The following LAMA3 variants were observed in gnomAD, a reference collection of about 807,000 sequenced individuals.
The protein encoded by LAMA3 is laminin subunit alpha 3.
LAMA3 carries 281 observed loss-of-function variants against 402.0 expected under a neutral mutation model. The ratio of observed to expected loss-of-function variants is 0.70; its 90% CI spans 0.63 to 0.77. LAMA3 has a LOEUF of 0.77. Ranked by LOEUF, LAMA3 falls within the 30% of genes least tolerant of loss-of-function variation. The pLI is 0.00. For missense variants in LAMA3, 3,840 were observed against 4,215.5 expected (o/e 0.91, Z 2.47); for synonymous variants, 1,431 against 1,558.4 (o/e 0.92, Z 1.93).
intron 55 of LAMA3, among the ~76,000 whole-genome samples, chr18:23,910,864 C>T (rs907629821): frequency 6.6e-6 from 1 of 152,030 alleles, no homozygotes; most frequent in Non-Finnish European, 1.5e-5. Flanking sequence ...ATATTTAAAA[C>T]ATGAAAAATA....
At chr18:23,904,156 A>AGCG in intron 50 of LAMA3, 69 bp downstream of exon 50, 4 of 1,575,526 alleles carry the variant, frequency 2.5e-6, no homozygotes, top group Non-Finnish European at 3.5e-6. Context: ...TGAGACAAGC[A>AGCG]AGGCCCTCCC....
intron 72 of LAMA3, among the ~76,000 whole-genome samples, chr18:23,951,458 C>T (rs2082905149): frequency 6.6e-6 from 1 of 152,190 alleles, no homozygotes; most frequent in Non-Finnish European, 1.5e-5. Flanking sequence ...GCAACGACTT[C>T]AGGCCAGGGT....
chr18:23,732,265 G>A (rs1360503611), intron 2 of LAMA3, among the ~76,000 whole-genome samples: 1 of 152,190 alleles, frequency 6.6e-6, no homozygotes. Flanking sequence ...CTGAGGCAAA[G>A]GCTGGGGCTA....
At chr18:23,896,751 A>G (rs1312592482) in intron 44 of LAMA3, among the ~76,000 whole-genome samples, 4 of 152,196 alleles carry the variant, frequency 2.6e-5, no homozygotes, top group Non-Finnish European at 5.9e-5. Context: ...ACCTGGATCT[A>G]TGCTGGAATG....
chr18:23,820,318 C>T (rs566813274), intron 19 of LAMA3, among the ~76,000 whole-genome samples: 3 of 152,250 alleles, frequency 2.0e-5, no homozygotes, highest in African/African-American at 4.8e-5. Context: ...TCCTAAATGA[C>T]GTTAGGCTGT....
chr18:23,767,666 C>T (rs774119088), intron 8 of LAMA3, among the ~76,000 whole-genome samples: 6 of 151,172 alleles, frequency 4.0e-5, no homozygotes, highest in East Asian at 3.9e-4. Context: ...CACTGCCTCC[C>T]GGGTTCCAGT....
At chr18:23,869,428 A>G (rs12104019) in intron 37 of LAMA3, among the ~76,000 whole-genome samples, 1 of 152,204 alleles carries the variant, frequency 6.6e-6, no homozygotes, top group Non-Finnish European at 1.5e-5. Context: ...AAATTGACAC[A>G]AGGGTTCTTC....
chr18:23,893,437 G>C (rs1256023015), intron 42 of LAMA3, among the ~76,000 whole-genome samples: 1 of 152,016 alleles, frequency 6.6e-6, no homozygotes, highest in Non-Finnish European at 1.5e-5. Flanking sequence ...ACAAAAATTA[G>C]CCAGGCATGG....
At chr18:23,769,471 C>T (rs2062148135) in intron 8 of LAMA3, among the ~76,000 whole-genome samples, 1 of 151,950 alleles carries the variant, frequency 6.6e-6, no homozygotes, top group South Asian at 2.1e-4. Context: ...AAAAATAATA[C>T]AATATTAACT....
At chr18:23,702,827 C>A (rs1325155793) in intron 1 of LAMA3, among the ~76,000 whole-genome samples, 1 of 152,346 alleles carries the variant, frequency 6.6e-6, no homozygotes, top group Middle Eastern at 3.4e-3. Flanking sequence ...CCAGCATCCC[C>A]TCTTGGGCTA....
chr18:23,871,345 T>C, intron 37 of LAMA3, 86 bp from the exon 38 acceptor site: 2 of 1,024,576 alleles, frequency 2.0e-6, no homozygotes, highest in Non-Finnish European at 3.1e-6. Flanking sequence ...GTCTTGTTTT[T>C]GATTCATTCG....
chr18:23,773,406 G>A (rs2062244219), intron 8 of LAMA3, 91 bp from the exon 9 acceptor site: 2 of 815,684 alleles, frequency 2.5e-6, no homozygotes, highest in Non-Finnish European at 4.2e-6. Context: ...AATTGTATAT[G>A]ACAGAATTAT....
chr18:23,728,141 A>T (rs908746066), intron 2 of LAMA3, among the ~76,000 whole-genome samples: 3 of 152,174 alleles, frequency 2.0e-5, no homozygotes, highest in Non-Finnish European at 2.9e-5. Context: ...TTGGTGATGT[A>T]GTTCAAGATA....
chr18:23,951,694 C>T lies in LAMA3; in HGVS notation c.9653C>T (p.Ser3218Phe), dbSNP rs1568384191. Reference sequence around the variant, plus strand: ...GCATGTGTGTTCCAGGTCACGGCCTCTATGGACAGTGGGGCAGGTGGGACC... The same window carrying T: ...GCATGTGTGTTCCAGGTCACGGCCTTTATGGACAGTGGGGCAGGTGGGACC... ...VYLEAGKVTA[S>F]MDSGAGGTST... The change falls in exon 73 of 75, where the codon TCT becomes TTT. Residue 3218 changes from serine to phenylalanine, a missense_variant. This residue lies in a region of LAMA3 where 840 missense variants were observed against 981.9 expected (regional missense o/e 0.86). Transcript: ENST00000313654. The T allele has an allele frequency of 5.6e-6, 9 of 1,613,802 alleles. No homozygotes were observed. The highest frequency in any genetic ancestry group is 6.8e-6 in the Non-Finnish European group (8 of 1,179,878).
intron 36 of LAMA3, among the ~76,000 whole-genome samples, chr18:23,865,971 A>G (rs1194238767): frequency 6.6e-6 from 1 of 152,156 alleles, no homozygotes; most frequent in Non-Finnish European, 1.5e-5. Flanking sequence ...TAGCTGGGAT[A>G]ATAGGCATGG....
intron 29 of LAMA3, among the ~76,000 whole-genome samples, chr18:23,844,705 C>T (rs765126439): frequency 6.6e-6 from 1 of 152,174 alleles, no homozygotes; most frequent in Non-Finnish European, 1.5e-5. Context: ...TTGAAAATCT[C>T]TTATCTGAAA....
chr18:23,808,834 G>A (rs988472399), intron 12 of LAMA3, among the ~76,000 whole-genome samples: 1 of 152,142 alleles, frequency 6.6e-6, no homozygotes, highest in Non-Finnish European at 1.5e-5. Flanking sequence ...CGTCCCTGTG[G>A]GGGCCCCATG....
chr18:23,833,324 AC>A (rs1276857914), intron 23 of LAMA3, among the ~76,000 whole-genome samples: 5 of 151,930 alleles, frequency 3.3e-5, no homozygotes, highest in African/African-American at 1.2e-4. Flanking sequence ...CCTTATTAAC[AC>A]TCCTTATCCC....
At chr18:23,941,099 C>A (rs148507789) in intron 68 of LAMA3, among the ~76,000 whole-genome samples, 2 of 152,086 alleles carry the variant, frequency 1.3e-5, no homozygotes, top group African/African-American at 4.8e-5. Flanking sequence ...CCACGCCCGG[C>A]TAATTTTTTT....
Sources: allele counts gnomAD v4.1 joint callset (sites outside exome capture counted in the v4.1 genomes callset), GRCh38; gene constraint gnomAD v4.1.1; regional missense constraint gnomAD v4.1.1; transcripts MANE v1.5; gene names NCBI Gene and HGNC (gene_info 2026-07-23, HGNC 2026-07-21).